The following PTPRO variants were observed in gnomAD, a reference collection of about 807,000 sequenced individuals.
The protein encoded by PTPRO is protein tyrosine phosphatase receptor type O, also known as receptor-type tyrosine-protein phosphatase O.
A neutral mutation model predicts 145.2 loss-of-function variants in PTPRO; 62 were observed. The ratio of observed to expected loss-of-function variants is 0.43; its 90% CI spans 0.35 to 0.53. The LOEUF is 0.53. PTPRO is among the 20% of genes least tolerant of loss of function. PTPRO has a pLI of 0.01. For synonymous variants in PTPRO, 565 were observed against 514.7 expected, an observed-to-expected ratio of 1.10 and a Z score of -1.32; for missense variants, 1,345 against 1,482.7, an observed-to-expected ratio of 0.91 and a Z score of 1.53.
intron 26 of PTPRO, chr12:15,595,868 G>C (rs929035679): frequency 1.3e-5 from 2 of 152,372 alleles, no homozygotes; most frequent in African/African-American, 4.8e-5. Flanking sequence ...GCACAATGGA[G>C]CAGGAAGGAT....
At chr12:15,472,574 A>G (rs997252968) in intron 1 of PTPRO, among the ~76,000 whole-genome samples, 2 of 152,274 alleles carry the variant, frequency 1.3e-5, no homozygotes, top group East Asian at 1.9e-4. Context: ...AGCATCTTTC[A>G]TACATCACTT....
intron 1 of PTPRO, among the ~76,000 whole-genome samples, chr12:15,475,900 C>T (rs1483440070): frequency 6.6e-6 from 1 of 152,150 alleles, no homozygotes; most frequent in Non-Finnish European, 1.5e-5. Flanking sequence ...TATGATTACT[C>T]TTTCTTTTCC....
intron 1 of PTPRO, among the ~76,000 whole-genome samples, chr12:15,478,016 C>A (rs1012136513): frequency 6.6e-6 from 1 of 152,172 alleles, no homozygotes; most frequent in Non-Finnish European, 1.5e-5. Flanking sequence ...CATGACTCAG[C>A]TGCTCTGTGT....
Position 15,497,272 on chromosome 12 carries a change from T to C in PTPRO, c.377T>C (p.Ile126Thr). ...CCTCTACCTGTAACCAGTGTTTCCATATATGACTATAAACCTTCTCCTGAA... is the reference window on the plus strand; with the variant it reads ...CCTCTACCTGTAACCAGTGTTTCCACATATGACTATAAACCTTCTCCTGAA... ...TKPLPVTSVS[I>T]YDYKPSPETG... The change falls in exon 3 of 27, where the codon ATA becomes ACA. Residue 126 changes from isoleucine to threonine, a missense_variant. Physicochemically the swap from Ile to Thr is moderately conservative, Grantham distance 89. Around this residue, in one of 3 missense-constraint regions of PTPRO, gnomAD observed 1,130 missense variants for 1,214.7 expected, o/e 0.93. Coordinates refer to ENST00000281171, the MANE Select transcript of PTPRO (RefSeq NM_030667.3). The C allele has an allele frequency of 6.3e-7, 1 of 1,579,712 alleles. No individual in the cohort carries two copies. The highest frequency in any genetic ancestry group is 8.7e-7 in the Non-Finnish European group (1 of 1,149,094).
intron 1 of PTPRO, among the ~76,000 whole-genome samples, chr12:15,454,026 C>T (rs1354131946): frequency 6.6e-6 from 1 of 152,162 alleles, no homozygotes. Flanking sequence ...TGAATAACAG[C>T]TGCAGTGAAC....
Position 15,356,061 on chromosome 12 carries a change from T to C in PTPRO, c.75+33260T>C, listed in dbSNP as rs965429798. 3.3e-5 allele frequency among the ~76,000 whole-genome samples: 5 copies of C among 152,222 alleles called. No homozygotes were observed. The South Asian group carries it at 6.2e-4, about 19-fold the overall frequency. ...GGCAAAAATGTTGCTCAGAGACTCA[T>C]TGAATTAATAAGTAGCCTTTTATTT... On this transcript the variant is annotated intron_variant, in intron 1 of 26. Coordinates refer to ENST00000281171, the MANE Select transcript of PTPRO (RefSeq NM_030667.3).
intron 1 of PTPRO, among the ~76,000 whole-genome samples, chr12:15,395,123 T>C (rs1939299799): frequency 6.6e-6 from 1 of 152,144 alleles, no homozygotes; most frequent in Non-Finnish European, 1.5e-5. Flanking sequence ...AGTATCACAA[T>C]GGGATAAAGA....
At chr12:15,399,290 T>C (rs1416142018) in intron 1 of PTPRO, among the ~76,000 whole-genome samples, 1 of 152,228 alleles carries the variant, frequency 6.6e-6, no homozygotes, top group Non-Finnish European at 1.5e-5. Flanking sequence ...TATTAACATA[T>C]GTAGTTCTCA....
chr12:15,509,297 T>TTTTG (rs949407266), intron 7 of PTPRO, among the ~76,000 whole-genome samples: 8 of 152,192 alleles, frequency 5.3e-5, no homozygotes, highest in Admixed American at 3.3e-4. Context: ...TTGGAGGGTT[T>TTTTG]TTTGTTTGTT....
At chr12:15,346,407 G>A (rs1049681090) in intron 1 of PTPRO, 1 of 152,154 alleles carries the variant, frequency 6.6e-6, no homozygotes, top group Non-Finnish European at 1.5e-5. Context: ...CAGTATACCT[G>A]CATCATCTTT....
chr12:15,457,792 T>C (rs1386807974), intron 1 of PTPRO, among the ~76,000 whole-genome samples: 1 of 152,194 alleles, frequency 6.6e-6, no homozygotes, highest in Non-Finnish European at 1.5e-5. Flanking sequence ...ATTCACATGT[T>C]TTTATATTAT....
intron 12 of PTPRO, among the ~76,000 whole-genome samples, chr12:15,534,918 A>G (rs528231471): frequency 6.6e-6 from 1 of 152,310 alleles, no homozygotes; most frequent in East Asian, 1.9e-4. Context: ...CAAGAGAGTG[A>G]TGGTAACTTT....
intron 10 of PTPRO, among the ~76,000 whole-genome samples, chr12:15,523,308 T>A (rs1367796987): frequency 6.6e-6 from 1 of 152,258 alleles, no homozygotes; most frequent in Non-Finnish European, 1.5e-5. Flanking sequence ...GAACACCGAC[T>A]GTCTTCAAAC....
At chr12:15,529,840 C>T (rs1043718223) in intron 12 of PTPRO, among the ~76,000 whole-genome samples, 7 of 152,054 alleles carry the variant, frequency 4.6e-5, no homozygotes, top group African/African-American at 1.7e-4. Context: ...TGAAAACAGG[C>T]AACAAAACGG....
chr12:15,374,014 G>C (rs1938608385), intron 1 of PTPRO, among the ~76,000 whole-genome samples: 2 of 152,088 alleles, frequency 1.3e-5, no homozygotes, highest in South Asian at 4.1e-4. Context: ...AGAACAATTG[G>C]TTTAAGAAAA....
At chr12:15,418,944 T>G (rs1309732462) in intron 1 of PTPRO, among the ~76,000 whole-genome samples, 2 of 151,652 alleles carry the variant, frequency 1.3e-5, no homozygotes, top group African/African-American at 4.9e-5. Flanking sequence ...GTAGAAAAAT[T>G]GTGACACTTT....
intron 1 of PTPRO, among the ~76,000 whole-genome samples, chr12:15,438,456 G>A (rs1165408509): frequency 6.6e-6 from 1 of 151,694 alleles, no homozygotes; most frequent in African/African-American, 2.4e-5. Flanking sequence ...ATCAACAAAA[G>A]GAAATTTCTA....
chr12:15,538,536 C>T (rs1943114518), intron 12 of PTPRO, among the ~76,000 whole-genome samples: 2 of 152,098 alleles, frequency 1.3e-5, no homozygotes, highest in Non-Finnish European at 1.5e-5. Context: ...TTTAGCACTT[C>T]TCTAAAGGCA....
chr12:15,587,307 T>C, intron 24 of PTPRO: 1 of 460,204 alleles, frequency 2.2e-6, no homozygotes, highest in Non-Finnish European at 3.9e-6. Flanking sequence ...TGTTAAGGGA[T>C]TCACACAAGT....
Sources: allele counts gnomAD v4.1 joint callset (sites outside exome capture counted in the v4.1 genomes callset), GRCh38; gene constraint gnomAD v4.1.1; regional missense constraint gnomAD v4.1.1; transcripts MANE v1.5; gene names NCBI Gene and HGNC (gene_info 2026-07-23, HGNC 2026-07-21).